The following QSOX1 variants were observed in gnomAD, a reference collection of about 807,000 sequenced individuals.
QSOX1 encodes the protein quiescin sulfhydryl oxidase 1, also known as sulfhydryl oxidase 1.
Under a neutral mutation model 76.1 loss-of-function variants are expected in QSOX1, and 40 were observed. That is an observed-to-expected ratio of 0.53 (90% confidence interval 0.41 to 0.68). The LOEUF is 0.68. Among genes scored for constraint, QSOX1 ranks in the 30% least tolerant of loss-of-function variants. QSOX1 has a pLI of 0.00. For synonymous variants in QSOX1, 392 were observed against 413.1 expected (o/e 0.95, Z 0.62); for missense variants, 931 against 974.3 (o/e 0.96, Z 0.59).
intron 6 of QSOX1, among the ~76,000 whole-genome samples, chr1:180,183,058 C>T (rs528979915): frequency 1.7e-4 from 26 of 152,294 alleles, no homozygotes; most frequent in African/African-American, 6.3e-4. Flanking sequence ...CAGGGAGGCA[C>T]TCGCTTTCCG....
chr1:180,170,868 A>G (rs1432973494), intron 2 of QSOX1, among the ~76,000 whole-genome samples: 2 of 152,226 alleles, frequency 1.3e-5, no homozygotes, highest in African/African-American at 4.8e-5. Flanking sequence ...TGGAGCTTGC[A>G]GAGATAAATA....
chr1:180,186,809 A>G (rs1663186075), intron 8 of QSOX1, among the ~76,000 whole-genome samples: 1 of 152,256 alleles, frequency 6.6e-6, no homozygotes, highest in Admixed American at 6.5e-5. Context: ...CTCAAGTGCC[A>G]TGCCTTCGTT....
rs573549211 is a variant in QSOX1, at chr1:180,184,173, G to A, written c.887+123G>A. 1.0e-5 allele frequency: 13 copies of A among 1,302,580 alleles called. No homozygotes were observed. The South Asian group carries it at 1.5e-4, about 15-fold the overall frequency. 80.7% of individuals were successfully genotyped at this position (1,302,580 alleles called of 1,614,324 possible). On this transcript the variant is annotated intron_variant, in intron 7 of 11. Coordinates refer to ENST00000367602, the MANE Select transcript of QSOX1 (RefSeq NM_002826.5). Reference sequence around the variant, plus strand: ...GTCATATGATTAGTGTGTACATTCTGAGCCAGGCTGTCCCCCACCCTGGGG... The same window carrying A: ...GTCATATGATTAGTGTGTACATTCTAAGCCAGGCTGTCCCCCACCCTGGGG...
At chr1:180,156,810 C>G (rs1054991393) in intron 1 of QSOX1, among the ~76,000 whole-genome samples, 1 of 152,110 alleles carries the variant, frequency 6.6e-6, no homozygotes, top group Non-Finnish European at 1.5e-5. Context: ...AACTGGAACA[C>G]CTAAGATAAG....
intron 2 of QSOX1, among the ~76,000 whole-genome samples, 191 bp downstream of exon 2, chr1:180,166,782 C>T (rs996184022): frequency 2.0e-5 from 3 of 152,230 alleles, no homozygotes; most frequent in African/African-American, 7.2e-5. Context: ...TCCCTCTTGA[C>T]CTCCAAGCCT....
At position 180,202,434 on chromosome 1, in the gene QSOX1, G is replaced by A. The variant is rs1663654991; in HGVS notation, c.*5397G>A. On this transcript the variant is annotated 3_prime_UTR_variant, in exon 12 of 12. Transcript: ENST00000367602. ...CTACCTGCGAACCTCTGCCCACCAC[G>A]GAAGAGCAGCTCACATTTGGAAGGG... 6.6e-6 allele frequency: 1 copy of A among 152,190 alleles called. No homozygotes were observed. Among genetic ancestry groups the A allele is most frequent in the South Asian group, 2.1e-4 (1 of 4,828 alleles). The allele number at this position is 152,190 out of a possible 1,614,324, so 9.4% of individuals were successfully genotyped here.
chr1:180,161,496 A>G (rs959667981), intron 1 of QSOX1, among the ~76,000 whole-genome samples: 1 of 152,244 alleles, frequency 6.6e-6, no homozygotes, highest in African/African-American at 2.4e-5. Context: ...ATCCTGTTGT[A>G]AAGAGAGCAG....
chr1:180,175,441 G>T, intron 3 of QSOX1, 75 bp downstream of exon 3: 1 of 1,509,162 alleles, frequency 6.6e-7, no homozygotes, highest in Non-Finnish European at 9.2e-7. Flanking sequence ...TTTCTATTGG[G>T]GTGGAGAAAG....
intron 2 of QSOX1, among the ~76,000 whole-genome samples, chr1:180,169,341 A>T (rs187424461): frequency 0.03 from 4,558 of 152,324 alleles, 104 homozygotes; most frequent in Middle Eastern, 0.085. Flanking sequence ...TGGCCGGAGC[A>T]AGGGGTACAC....
intron 2 of QSOX1, among the ~76,000 whole-genome samples, chr1:180,173,824 T>C (rs879818244): frequency 6.6e-6 from 1 of 152,358 alleles, no homozygotes; most frequent in Non-Finnish European, 1.5e-5. Context: ...CTAGGTACCA[T>C]GCTAAGCACT....
intron 4 of QSOX1, among the ~76,000 whole-genome samples, chr1:180,177,494 A>G (rs1188633327): frequency 2.6e-5 from 4 of 152,216 alleles, no homozygotes; most frequent in South Asian, 2.1e-4. Flanking sequence ...AGCTCAGGCA[A>G]TCGGCCTGCC....
rs1311788074 is a variant in QSOX1 at position 180,154,987 on chromosome 1, C to G, written c.80C>G (p.Ala27Gly). 5 of 1,508,920 alleles carry G rather than the reference C, an allele frequency of 3.3e-6. No individual in the cohort carries two copies. In the Admixed American group the frequency reaches 6.2e-5, roughly 19 times the overall value. The allele number at this position is 1,508,920 out of a possible 1,614,324, so 93.5% of individuals were successfully genotyped here. A position where few individuals can be genotyped will look rare whatever the true frequency, so the allele number is the denominator to read the frequency against. ...LLLWLLAVPG[A>G]NAAPRSALYS... ...CTGTGGCTGCTCGCGGTTCCCGGCG[C>G]TAACGCGGCCCCGCGGTCGGCGCTC... Residue 27 changes from alanine to glycine, a missense_variant, in exon 1 of 12, where the codon GCT becomes GGT. Physicochemically the swap from Ala to Gly is moderately conservative, Grantham distance 60. Transcript: ENST00000367602.
At chr1:180,173,535 G>C (rs1662810192) in intron 2 of QSOX1, among the ~76,000 whole-genome samples, 1 of 152,204 alleles carries the variant, frequency 6.6e-6, no homozygotes, top group African/African-American at 2.4e-5. Context: ...GTTTTGAAAA[G>C]AGAGAGTAAA....
chr1:180,196,171 A>G lies in QSOX1; in HGVS notation c.1469-91A>G, dbSNP rs1663480397. The G allele has an allele frequency of 8.1e-6, 12 of 1,472,908 alleles. No individual in the cohort carries two copies. Among genetic ancestry groups the G allele is most frequent in the East Asian group, 2.3e-5 (1 of 43,584 alleles). 91.2% of individuals were successfully genotyped at this position (1,472,908 alleles called of 1,614,324 possible). A position where few individuals can be genotyped will look rare whatever the true frequency, so the allele number is the denominator to read the frequency against. On this transcript the variant is annotated intron_variant, in intron 11 of 11. Transcript: ENST00000367602. The surrounding 1 kb of genome is among the most constrained non-coding windows in gnomAD (Gnocchi z 4.1). ...GCAGTGGCGAGCCCTTTCTGCAGAC[A>G]AGGAAGCTGGCGTTCTGAGTGGAGG...
At chr1:180,187,481 C>T (rs979784403) in intron 8 of QSOX1, among the ~76,000 whole-genome samples, 16 of 152,240 alleles carry the variant, frequency 1.1e-4, no homozygotes, top group Non-Finnish European at 1.3e-4. Context: ...ATGCCTCAGA[C>T]ACCCCACCAC....
intron 2 of QSOX1, among the ~76,000 whole-genome samples, chr1:180,167,962 A>G (rs535748433): frequency 6.6e-6 from 1 of 152,312 alleles, no homozygotes; most frequent in Non-Finnish European, 1.5e-5. Flanking sequence ...AGGAACCATC[A>G]TTCACAGGCT....
At chr1:180,191,194 G>A (rs1451345620) in intron 10 of QSOX1, among the ~76,000 whole-genome samples, 5 of 152,182 alleles carry the variant, frequency 3.3e-5, no homozygotes, top group East Asian at 3.9e-4. Flanking sequence ...ACCAGGCTGC[G>A]GCTTGGCTTG....
rs74753345 is a variant in QSOX1 at position 180,181,290 on chromosome 1, G to A, written c.607-884G>A. On this transcript the variant is annotated intron_variant, in intron 5 of 11. Coordinates refer to ENST00000367602, the MANE Select transcript of QSOX1 (RefSeq NM_002826.5). The stretch of plus-strand genomic sequence containing the variant: ...CCTGCTCCATGGTGAAGAGTGAGAC[G>A]TCAGTAACAGAAGTCCGTGCCTGCC... Among the ~76,000 whole-genome samples the A allele has an allele frequency of 3.9e-5, 6 of 152,268 alleles. No individual in the cohort carries two copies. The East Asian group carries it at 5.8e-4, about 15-fold the overall frequency.
chr1:180,176,649 C>T (rs1019029786), intron 4 of QSOX1, among the ~76,000 whole-genome samples: 8 of 152,160 alleles, frequency 5.3e-5, no homozygotes, highest in Non-Finnish European at 8.8e-5. Context: ...TGGTCTTGCC[C>T]ATACTTTCCC....
Sources: gnomAD v4.1 joint callset for allele counts (sites outside exome capture counted in the v4.1 genomes callset) on GRCh38, gnomAD v4.1.1 for gene constraint, Gnocchi (gnomAD v3.1) non-coding constraint, MANE v1.5 for transcripts, NCBI Gene and HGNC (gene_info 2026-07-23, HGNC 2026-07-21) for gene names.